P2RX3: variants seen among roughly 807,000 people sequenced by gnomAD.
P2RX3 encodes P2X purinoceptor 3.
In P2RX3, 41 loss-of-function variants were observed where a neutral mutation model predicts 51.5. The observed-to-expected ratio is 0.80, with a 90% CI of 0.62 to 1.03. P2RX3 has a LOEUF of 1.03. Ranked by LOEUF, P2RX3 falls within the 50% of genes least tolerant of loss-of-function variation. The probability of loss-of-function intolerance (pLI) is 0.00; values close to 1 mark genes in which losing one functional copy is unlikely to be tolerated. For synonymous variants in P2RX3, 185 were observed against 191.6 expected (o/e 0.97, Z 0.29); for missense variants, 459 against 522.1 (o/e 0.88, Z 1.18).
intron 6 of P2RX3, 82 bp downstream of exon 6, chr11:57,348,786 C>T: frequency 2.1e-6 from 2 of 969,924 alleles, no homozygotes; most frequent in Non-Finnish European, 1.6e-6. Context: ...TGGAGATGCC[C>T]CCTCGCCACA....
At position 57,372,320 on chromosome 11, in the gene P2RX3, CAG is replaced by C. The variant is rs1324035304; in HGVS notation, c.*2324_*2325del. Among the ~76,000 whole-genome samples the C allele has an allele frequency of 5.9e-5, 9 of 152,114 alleles. No individual in the cohort carries two copies. The highest frequency in any genetic ancestry group is 2.1e-4 in the South Asian group (1 of 4,824). ...GGCAGGCAATGGACCAAATGAGTGA[CAG>C]GGATTGTCTAACTCAACCCCCACTT... On this transcript the variant is annotated 3_prime_UTR_variant, in exon 12 of 12. Transcript: ENST00000263314.
At chr11:57,348,491 C>A in intron 5 of P2RX3, 136 bp from the exon 6 acceptor site, 1 of 748,608 alleles carries the variant, frequency 1.3e-6, no homozygotes, top group Non-Finnish European at 2.2e-6. Context: ...CTTCCTATAG[C>A]CCACTCTCAA....
chr11:57,348,453 T>G (rs1856483174), intron 5 of P2RX3, 174 bp from the exon 6 acceptor site: 2 of 706,044 alleles, frequency 2.8e-6, no homozygotes, highest in Admixed American at 2.7e-5. Context: ...CTCCTCCTCC[T>G]GCTGTGACAC....
intron 8 of P2RX3, among the ~76,000 whole-genome samples, chr11:57,351,340 G>T (rs1048036938): frequency 6.6e-6 from 1 of 152,156 alleles, no homozygotes. Flanking sequence ...TTACAAGATG[G>T]CAACTTTGCA....
rs1171841122 is a variant in P2RX3, at chr11:57,371,710, G to A, written c.*1713G>A. The stretch of plus-strand genomic sequence containing the variant: ...TCCCCAGGGTCAGCCTTGGGAATTG[G>A]GCAGTGCCTGGAGATCTGACCAGAC... On this transcript the variant is annotated 3_prime_UTR_variant, in exon 12 of 12. Transcript: ENST00000263314. Among the ~76,000 whole-genome samples, 1 of 152,226 alleles carries A rather than the reference G, an allele frequency of 6.6e-6. No homozygotes were observed. Among genetic ancestry groups the A allele is most frequent in the Non-Finnish European group, 1.5e-5 (1 of 68,030 alleles).
chr11:57,347,274 A>G, intron 3 of P2RX3, 87 bp downstream of exon 3: 1 of 1,511,280 alleles, frequency 6.6e-7, no homozygotes, highest in Non-Finnish European at 9.1e-7. Context: ...GTATGAGCAG[A>G]GGCCCCAAGT....
intron 8 of P2RX3, among the ~76,000 whole-genome samples, chr11:57,358,705 G>A (rs1326391916): frequency 6.6e-6 from 1 of 152,090 alleles, no homozygotes. Context: ...GAAGGGCTGT[G>A]GAAATTTGGG....
intron 8 of P2RX3, among the ~76,000 whole-genome samples, chr11:57,364,351 A>G (rs1464839495): frequency 6.6e-6 from 1 of 152,232 alleles, no homozygotes; most frequent in African/African-American, 2.4e-5. Flanking sequence ...TTCAAGGGGT[A>G]TGAGCATGAA....
At chr11:57,342,565 G>A (rs922036692) in intron 1 of P2RX3, among the ~76,000 whole-genome samples, 1 of 152,014 alleles carries the variant, frequency 6.6e-6, no homozygotes, top group African/African-American at 2.4e-5. Flanking sequence ...TTAGAAGCCT[G>A]GCTCTGACAC....
intron 9 of P2RX3, 112 bp downstream of exon 9, chr11:57,368,214 A>C (rs1856826447): frequency 1.5e-6 from 2 of 1,326,938 alleles, no homozygotes; most frequent in Non-Finnish European, 1.1e-6. Context: ...GCCAGCTTTG[A>C]CACCCTCAGT....
rs549574554 is a variant in P2RX3, at chr11:57,338,474, C to T, written c.-77C>T. ...CCCCCTCCAGGTCGTGATCTCGTCTCCCTGTCCTGTAGGACCTCCCTCTCC... is the reference window on the plus strand; with the variant it reads ...CCCCCTCCAGGTCGTGATCTCGTCTTCCTGTCCTGTAGGACCTCCCTCTCC... On this transcript the variant is annotated 5_prime_UTR_variant, in exon 1 of 12. Transcript: ENST00000263314. The T allele has an allele frequency of 1.4e-5, 14 of 987,886 alleles. No homozygotes were observed. In the South Asian group the frequency reaches 2.1e-4, roughly 15 times the overall value. The allele number at this position is 987,886 out of a possible 1,614,324, so 61.2% of individuals were successfully genotyped here.
intron 3 of P2RX3, 57 bp from the exon 4 acceptor site, chr11:57,347,358 G>A (rs1856456561): frequency 1.5e-5 from 23 of 1,540,892 alleles, no homozygotes; most frequent in Admixed American, 7.8e-5. Context: ...AGGGAGTCGC[G>A]GAGCTCACCA....
chr11:57,350,976 C>T, intron 8 of P2RX3, 78 bp downstream of exon 8: 2 of 1,592,694 alleles, frequency 1.3e-6, no homozygotes, highest in Non-Finnish European at 1.7e-6. Context: ...GAGACAAGAT[C>T]CCACATCCAT....
intron 8 of P2RX3, among the ~76,000 whole-genome samples, chr11:57,356,812 A>G (rs1185073932): frequency 7.9e-6 from 1 of 125,862 alleles, no homozygotes; most frequent in Non-Finnish European, 1.7e-5. Flanking sequence ...TCCATAATCC[A>G]TTTTCTTCAT....
Position 57,338,683 on chromosome 11 carries a change from CT to C in P2RX3, c.119+17del. On this transcript the variant is annotated intron_variant, in intron 1 of 11. Transcript: ENST00000263314. ...CTACTTTGTAGGGTGAGTCTGTGGC[CT>C]TTCAGGTTCCTGGCGGGGTGGGCTG... 1 of 1,552,740 alleles carries C rather than the reference CT, an allele frequency of 6.4e-7. No homozygotes were observed. The highest frequency in any genetic ancestry group is 8.8e-7 in the Non-Finnish European group (1 of 1,130,940).
At chr11:57,345,878 C>T (rs11823364) in intron 1 of P2RX3, among the ~76,000 whole-genome samples, 10 of 150,660 alleles carry the variant, frequency 6.6e-5, no homozygotes, top group Admixed American at 4.6e-4. Flanking sequence ...CTCCCCCAGC[C>T]CCCCCACCTT....
intron 11 of P2RX3, 112 bp downstream of exon 11, chr11:57,369,550 G>C (rs988580257): frequency 2.0e-6 from 2 of 992,238 alleles, no homozygotes; most frequent in Non-Finnish European, 3.0e-6. Context: ...GGTTCACCAG[G>C]CCTCAATGAA....
At chr11:57,356,722 C>T (rs879646) in intron 8 of P2RX3, among the ~76,000 whole-genome samples, 57,790 of 152,038 alleles carry the variant, frequency 0.38, 12,618 homozygotes, top group East Asian at 0.68. Flanking sequence ...ATAGAATATG[C>T]GTTAAAAGCA....
intron 10 of P2RX3, 121 bp downstream of exon 10, chr11:57,368,558 C>G (rs1856832826): frequency 9.1e-7 from 1 of 1,100,686 alleles, no homozygotes; most frequent in Non-Finnish European, 1.4e-6. Flanking sequence ...AACCCCTACC[C>G]CCACTTGCTA....
Sources: allele counts gnomAD v4.1 joint callset (sites outside exome capture counted in the v4.1 genomes callset), GRCh38; gene constraint gnomAD v4.1.1; transcripts MANE v1.5; gene names NCBI Gene and HGNC (gene_info 2026-07-23, HGNC 2026-07-21).